Variants in QRFPR observed in about 807,000 individuals in gnomAD.
The protein encoded by QRFPR is pyroglutamylated RFamide peptide receptor.
In QRFPR, 37 loss-of-function variants were observed where a neutral mutation model predicts 31.3. That is an observed-to-expected ratio of 1.18 (90% CI 0.91 to 1.56). QRFPR has a LOEUF of 1.56. QRFPR is among the 40% of genes most tolerant of loss of function. QRFPR has a pLI of 0.00. For missense variants in QRFPR, 542 were observed against 532.5 expected (o/e 1.02, Z -0.18); for synonymous variants, 197 against 192.0 (o/e 1.03, Z -0.22).
In QRFPR at chr4:121,360,162, T is replaced by C. The variant is rs150481365; in HGVS notation, c.341-19552A>G. Among the ~76,000 whole-genome samples, 766 of 152,306 alleles carry C rather than the reference T, an allele frequency of 5.0e-3. 8 individuals are homozygous for C. Among genetic ancestry groups the C allele is most frequent in the African/African-American group, 0.017 (700 of 41,564 alleles). On this transcript the variant is annotated intron_variant, in intron 1 of 5. Coordinates refer to ENST00000394427, the MANE Select transcript of QRFPR (RefSeq NM_198179.3). ...TAACAAAAACAGTCAGAGAGCTATG[T>C]AGCCCTAGGCAGAAATCATATATAA...
At chr4:121,357,510 G>A (rs548647820) in intron 1 of QRFPR, among the ~76,000 whole-genome samples, 24 of 152,192 alleles carry the variant, frequency 1.6e-4, no homozygotes, top group African/African-American at 5.3e-4. Context: ...TTCAGCAGTC[G>A]CTCAAAGGCA....
At chr4:121,379,219 A>T (rs1397083896) in intron 1 of QRFPR, among the ~76,000 whole-genome samples, 1 of 152,234 alleles carries the variant, frequency 6.6e-6, no homozygotes, top group African/African-American at 2.4e-5. Context: ...GGACTTTAAC[A>T]TTCTGACTGA....
Position 121,331,292 on chromosome 4 carries a change from C to G in QRFPR, c.798-769G>C, listed in dbSNP as rs184015612. Among the ~76,000 whole-genome samples, 501 of 147,644 alleles carry G rather than the reference C, an allele frequency of 3.4e-3. 7 individuals carry two copies. The highest frequency in any genetic ancestry group is 0.032 in the Admixed American group (465 of 14,542). On this transcript the variant is annotated intron_variant, in intron 4 of 5. Transcript: ENST00000394427. ...CTCAACCTGGGCTCAATAAGTGATC[C>G]TCCCACCTCAGCCTCCACGTAGCTG...
intron 1 of QRFPR, 122 bp downstream of exon 1, chr4:121,380,186 G>GGGGAGAGAGA (rs1726447686): frequency 5.3e-6 from 1 of 187,002 alleles, no homozygotes; most frequent in Admixed American, 1.3e-4. Flanking sequence ...AGACGAGAGA[G>GGGGAGAGAGA]GAGAGAGAGA....
In QRFPR at chr4:121,347,259, G is replaced by T. The variant is rs181737584; in HGVS notation, c.341-6649C>A. ...TGAGCATGTGGTTTAAAATCAGAAG[G>T]GCTACAATAAAAAAGAATAGGTGCC... On this transcript the variant is annotated intron_variant, in intron 1 of 5. Transcript: ENST00000394427. Among the ~76,000 whole-genome samples the T allele has an allele frequency of 7.9e-5, 12 of 152,114 alleles. No homozygotes were observed. In the East Asian group the frequency reaches 2.1e-3, roughly 27 times the overall value.
chr4:121,333,381 T>A (rs574193938), intron 3 of QRFPR, among the ~76,000 whole-genome samples: 154 of 152,342 alleles, frequency 1.0e-3, no homozygotes, highest in Middle Eastern at 3.4e-3. Context: ...GAGCACTATA[T>A]TTGCCAAAGT....
chr4:121,354,570 C>G (rs1725830198), intron 1 of QRFPR, among the ~76,000 whole-genome samples: 1 of 151,812 alleles, frequency 6.6e-6, no homozygotes, highest in Non-Finnish European at 1.5e-5. Flanking sequence ...ATTGCTCTGT[C>G]TAGGACTTCT....
intron 1 of QRFPR, among the ~76,000 whole-genome samples, chr4:121,350,283 T>C (rs572421798): frequency 2.0e-5 from 3 of 152,106 alleles, no homozygotes; most frequent in African/African-American, 4.8e-5. Flanking sequence ...GTTAGAAGAG[T>C]CAGGCACTCA....
At chr4:121,342,213 A>G (rs73845767) in intron 1 of QRFPR, among the ~76,000 whole-genome samples, 2,582 of 152,118 alleles carry the variant, frequency 0.017, 85 homozygotes, top group African/African-American at 0.059. Flanking sequence ...TTTGACATCA[A>G]TGCTCCTGGT....
At chr4:121,365,819 T>A (rs1293136078) in intron 1 of QRFPR, among the ~76,000 whole-genome samples, 1 of 142,258 alleles carries the variant, frequency 7.0e-6, no homozygotes, top group Non-Finnish European at 1.5e-5. Context: ...CAGTAAAGAA[T>A]TTTTTTAAAA....
chr4:121,353,185 C>G (rs546647705), intron 1 of QRFPR, among the ~76,000 whole-genome samples: 1 of 152,070 alleles, frequency 6.6e-6, no homozygotes, highest in African/African-American at 2.4e-5. Context: ...CATGGGAATG[C>G]AGCTATCTCT....
intron 1 of QRFPR, among the ~76,000 whole-genome samples, chr4:121,343,654 G>C (rs1236536505): frequency 6.6e-6 from 1 of 150,902 alleles, no homozygotes; most frequent in Non-Finnish European, 1.5e-5. Flanking sequence ...ATTTATCCTA[G>C]GTTTTTTTTC....
chr4:121,359,778 A>AGT (rs1320524504), intron 1 of QRFPR, among the ~76,000 whole-genome samples: 1 of 126,104 alleles, frequency 7.9e-6, no homozygotes, highest in Non-Finnish European at 1.8e-5. Context: ...TATATATAGG[A>AGT]GTGTGTGTGT....
chr4:121,359,779 GTGTGTGTGTGTATA>G (rs1033804249), intron 1 of QRFPR, among the ~76,000 whole-genome samples: 1 of 134,412 alleles, frequency 7.4e-6, no homozygotes, highest in South Asian at 2.3e-4. Context: ...ATATATAGGA[GTGTGTGTGTGTATA>G]TGTGTGTGTG....
intron 1 of QRFPR, among the ~76,000 whole-genome samples, chr4:121,352,919 AG>A (rs1166370035): frequency 6.6e-6 from 1 of 151,856 alleles, no homozygotes; most frequent in Non-Finnish European, 1.5e-5. Context: ...TATCTCCAAA[AG>A]TTCATTTTTT....
intron 1 of QRFPR, among the ~76,000 whole-genome samples, chr4:121,372,362 C>G (rs1726263794): frequency 6.6e-6 from 1 of 152,164 alleles, no homozygotes; most frequent in South Asian, 2.1e-4. Flanking sequence ...GAAGTATTCT[C>G]TCTCATTTCC....
intron 1 of QRFPR, among the ~76,000 whole-genome samples, chr4:121,359,758 A>AGT (rs1222799440): frequency 7.5e-6 from 1 of 132,592 alleles, no homozygotes; most frequent in Admixed American, 8.8e-5. Flanking sequence ...TATATATGGG[A>AGT]GTGTATATAT....
intron 2 of QRFPR, among the ~76,000 whole-genome samples, chr4:121,337,202 C>T (rs1219288308): frequency 6.6e-6 from 1 of 152,198 alleles, no homozygotes; most frequent in East Asian, 1.9e-4. Context: ...ACACCGCAGT[C>T]CTCTACTGAG....
At chr4:121,378,611 G>A (rs1472057321) in intron 1 of QRFPR, among the ~76,000 whole-genome samples, 1 of 151,948 alleles carries the variant, frequency 6.6e-6, no homozygotes, top group African/African-American at 2.4e-5. Context: ...TTTTAGTAGA[G>A]ACGGGGTTTC....
Sources: gnomAD v4.1 joint callset for allele counts (sites outside exome capture counted in the v4.1 genomes callset) on GRCh38, gnomAD v4.1.1 for gene constraint, MANE v1.5 for transcripts, NCBI Gene and HGNC (gene_info 2026-07-23, HGNC 2026-07-21) for gene names.